PPARGC1A: variants seen among roughly 807,000 people sequenced by gnomAD.
PPARGC1A encodes the protein PPARG coactivator 1 alpha, also known as peroxisome proliferator-activated receptor gamma coactivator 1-alpha.
Under a neutral mutation model 88.7 loss-of-function variants are expected in PPARGC1A, and 25 were observed. That is an observed-to-expected ratio of 0.28 (90% CI 0.21 to 0.39). The LOEUF is 0.39. Among genes scored for constraint, PPARGC1A ranks in the 10% least tolerant of loss-of-function variants. The pLI, the probability that PPARGC1A is intolerant of heterozygous loss-of-function variation, is 1.00. For missense variants in PPARGC1A, 880 were observed against 968.7 expected, an observed-to-expected ratio of 0.91 and a Z score of 1.22; for synonymous variants, 363 against 355.6, an observed-to-expected ratio of 1.02 and a Z score of -0.24.
chr4:23,985,505 T>G, the PPARGC1A span, among the ~76,000 whole-genome samples: 2 of 150,608 alleles, frequency 1.3e-5, no homozygotes, highest in East Asian at 4.0e-4. Context: ...ACACTTGAAC[T>G]GTGGGCATTG....
the PPARGC1A span, among the ~76,000 whole-genome samples, chr4:24,451,346 A>T: frequency 1.3e-5 from 2 of 152,204 alleles, no homozygotes; most frequent in Non-Finnish European, 2.9e-5. Context: ...TTTTTAGGCT[A>T]CTAAATATCT....
At chr4:24,142,448 G>A in the PPARGC1A span, among the ~76,000 whole-genome samples, 19 of 152,144 alleles carry the variant, frequency 1.2e-4, no homozygotes, top group East Asian at 2.3e-3. Context: ...TGAGGCAGGC[G>A]GATCGCTTTG....
intron 10 of PPARGC1A, among the ~76,000 whole-genome samples, chr4:23,810,550 CTTCCT>C (rs763729362): frequency 4.6e-5 from 7 of 152,160 alleles, no homozygotes; most frequent in Non-Finnish European, 7.4e-5. Context: ...AGACACCTCC[CTTCCT>C]TTCTTTATTA....
chr4:23,929,627 G>T, the PPARGC1A span, among the ~76,000 whole-genome samples: 2 of 152,194 alleles, frequency 1.3e-5, no homozygotes, highest in Non-Finnish European at 2.9e-5. Context: ...AGGAAAAAGT[G>T]CGGCACCCAT....
chr4:23,997,095 T>C, the PPARGC1A span, among the ~76,000 whole-genome samples: 2 of 152,170 alleles, frequency 1.3e-5, no homozygotes, highest in Non-Finnish European at 2.9e-5. Context: ...CTGGTTAAGA[T>C]TTGAGTGTGC....
chr4:24,031,910 A>G, the PPARGC1A span, among the ~76,000 whole-genome samples: 9 of 152,168 alleles, frequency 5.9e-5, no homozygotes, highest in Admixed American at 1.3e-4. Flanking sequence ...GATTTTGCCT[A>G]TGAGGAAGCT....
rs17847349 is a variant in PPARGC1A at position 23,828,448 on chromosome 4, T to C, written c.709A>G (p.Thr237Ala). Residue 237 changes from threonine (T) to alanine (A), a missense_variant, in exon 5 of 13, where the codon ACC (threonine) becomes GCC (alanine). By Grantham distance (58) the Thr-to-Ala change is moderately conservative. Transcript: ENST00000264867. ...TGTGTGTGGGACTTCTTTTTGGAGG[T>C]GCATTTGTCTCTGCTGCTGTTTCTG... is the stretch of plus-strand genomic sequence containing the variant. ...ENRNSSRDKCTSKKKSHTQSQ... is the reference protein window; with the variant it reads ...ENRNSSRDKCASKKKSHTQSQ... The C allele has an allele frequency of 8.4e-5, 135 of 1,614,088 alleles. No homozygotes were observed. In the East Asian group the frequency reaches 3.0e-3, roughly 35 times the overall value.
chr4:24,194,341 A>G, the PPARGC1A span, among the ~76,000 whole-genome samples: 3 of 152,130 alleles, frequency 2.0e-5, no homozygotes, highest in Admixed American at 6.5e-5. Flanking sequence ...GATTTAATAT[A>G]AAATGGGGAA....
At chr4:23,973,764 A>C in the PPARGC1A span, among the ~76,000 whole-genome samples, 1 of 152,104 alleles carries the variant, frequency 6.6e-6, no homozygotes, top group African/African-American at 2.4e-5. Flanking sequence ...AAATGAAATC[A>C]AAAGCTCAGG....
At chr4:23,963,582 C>G in the PPARGC1A span, among the ~76,000 whole-genome samples, 1 of 152,084 alleles carries the variant, frequency 6.6e-6, no homozygotes, top group Non-Finnish European at 1.5e-5. Context: ...GGTATCTTGT[C>G]TTTGTAGAGA....
the PPARGC1A span, among the ~76,000 whole-genome samples, chr4:24,147,810 G>C: frequency 6.6e-6 from 1 of 152,146 alleles, no homozygotes; most frequent in Non-Finnish European, 1.5e-5. Context: ...AGCCGGACAT[G>C]GTGTGCACCT....
chr4:24,012,770 A>G, the PPARGC1A span, among the ~76,000 whole-genome samples: 133 of 152,258 alleles, frequency 8.7e-4, 2 homozygotes, highest in Non-Finnish European at 1.3e-3. Context: ...AATAAAAGAT[A>G]TATTTTTGTA....
chr4:24,191,571 A>G, the PPARGC1A span, among the ~76,000 whole-genome samples: 2 of 152,220 alleles, frequency 1.3e-5, no homozygotes, highest in African/African-American at 2.4e-5. Context: ...CCGATCCTAC[A>G]TCTTTAGCCA....
At chr4:24,065,805 C>G in the PPARGC1A span, among the ~76,000 whole-genome samples, 1 of 152,092 alleles carries the variant, frequency 6.6e-6, no homozygotes, top group East Asian at 1.9e-4. Flanking sequence ...GTAAGAGGAA[C>G]GGACAAAAGC....
chr4:23,823,039 G>A (rs969828888), intron 7 of PPARGC1A, among the ~76,000 whole-genome samples: 5 of 152,062 alleles, frequency 3.3e-5, no homozygotes, highest in African/African-American at 4.8e-5. Flanking sequence ...CAGTTCATGT[G>A]CATTGTACTG....
chr4:24,393,822 A>T, the PPARGC1A span, among the ~76,000 whole-genome samples: 3 of 152,216 alleles, frequency 2.0e-5, no homozygotes, highest in Non-Finnish European at 2.9e-5. Context: ...TTTATGGCAT[A>T]AAAAAGAAAA....
the PPARGC1A span, among the ~76,000 whole-genome samples, chr4:24,222,310 A>C: frequency 6.6e-6 from 1 of 152,202 alleles, no homozygotes; most frequent in Non-Finnish European, 1.5e-5. Context: ...AGTTAAGAAA[A>C]CAGTCTCAAA....
At chr4:24,250,740 C>G in the PPARGC1A span, among the ~76,000 whole-genome samples, 1 of 152,226 alleles carries the variant, frequency 6.6e-6, no homozygotes, top group South Asian at 2.1e-4. Flanking sequence ...GGTTTTTGCC[C>G]CTTTGCAATA....
chr4:24,257,769 T>C, the PPARGC1A span, among the ~76,000 whole-genome samples: 13 of 152,160 alleles, frequency 8.5e-5, no homozygotes, highest in African/African-American at 3.1e-4. Flanking sequence ...CATGGAAACA[T>C]TCATTCTCTC....
Sources: allele counts gnomAD v4.1 joint callset (sites outside exome capture counted in the v4.1 genomes callset), GRCh38; gene constraint gnomAD v4.1.1; transcripts MANE v1.5; gene names NCBI Gene and HGNC (gene_info 2026-07-23, HGNC 2026-07-21).